The following FBXO25 variants were observed in gnomAD, a reference collection of about 807,000 sequenced individuals.
The protein encoded by FBXO25 is F-box protein 25.
In FBXO25, 45 loss-of-function variants were observed where a neutral mutation model predicts 51.9. That is an observed-to-expected ratio of 0.87 (90% CI 0.68 to 1.11). The LOEUF is 1.11. FBXO25 is among the 50% of genes most tolerant of loss of function. The pLI is 0.00. For missense variants in FBXO25, 507 were observed against 428.5 expected (o/e 1.18, Z -1.62); for synonymous variants, 199 against 151.0 (o/e 1.32, Z -2.33).
intron 5 of FBXO25, among the ~76,000 whole-genome samples, chr8:437,631 G>A (rs1563078422): frequency 6.6e-6 from 1 of 152,210 alleles, no homozygotes; most frequent in Non-Finnish European, 1.5e-5. Flanking sequence ...TAAAGCCTGA[G>A]CCTGTGTCTT....
chr8:438,449 C>G (rs1053539925), intron 5 of FBXO25, among the ~76,000 whole-genome samples: 6 of 152,320 alleles, frequency 3.9e-5, no homozygotes, highest in East Asian at 1.9e-4. Flanking sequence ...ACTACACAGT[C>G]TTAGGATAAA....
intron 5 of FBXO25, among the ~76,000 whole-genome samples, chr8:437,259 C>T (rs1378871541): frequency 1.3e-5 from 2 of 152,216 alleles, no homozygotes; most frequent in South Asian, 4.1e-4. Flanking sequence ...GCTGTGCACT[C>T]ATGTACCAAC....
At chr8:415,194 A>T (rs1376163289) in intron 2 of FBXO25, among the ~76,000 whole-genome samples, 1 of 152,182 alleles carries the variant, frequency 6.6e-6, no homozygotes, top group Non-Finnish European at 1.5e-5. Context: ...ACTATAGTAA[A>T]AATAATTTAG....
At chr8:464,432 G>A (rs76931414) in intron 9 of FBXO25, among the ~76,000 whole-genome samples, 8,897 of 152,252 alleles carry the variant, frequency 0.058, 323 homozygotes, top group South Asian at 0.1. Flanking sequence ...GCTGCTCTGC[G>A]GAGGGAGTCC....
chr8:434,333 G>C (rs1475160623), intron 4 of FBXO25, among the ~76,000 whole-genome samples: 1 of 152,198 alleles, frequency 6.6e-6, no homozygotes, highest in Non-Finnish European at 1.5e-5. Flanking sequence ...GATGGGTGGT[G>C]ACCTTGGAAA....
At chr8:410,064 A>T (rs1796395869) in intron 1 of FBXO25, among the ~76,000 whole-genome samples, 1 of 152,246 alleles carries the variant, frequency 6.6e-6, no homozygotes, top group African/African-American at 2.4e-5. Context: ...TTCATTTAAG[A>T]TCTAACCATG....
At chr8:415,969 T>C (rs1222522720) in intron 2 of FBXO25, among the ~76,000 whole-genome samples, 1 of 152,236 alleles carries the variant, frequency 6.6e-6, no homozygotes, top group Non-Finnish European at 1.5e-5. Flanking sequence ...AGTTGTTCCT[T>C]GTCTTTTATG....
chr8:442,657 A>C (rs990633988), intron 5 of FBXO25, among the ~76,000 whole-genome samples: 15 of 151,900 alleles, frequency 9.9e-5, no homozygotes, highest in African/African-American at 3.6e-4. Flanking sequence ...TTTAGTAGAG[A>C]GGGGGTTTTG....
chr8:428,311 G>A (rs1249323687), intron 2 of FBXO25, among the ~76,000 whole-genome samples: 1 of 152,102 alleles, frequency 6.6e-6, no homozygotes, highest in East Asian at 1.9e-4. Context: ...AGGGCTGTTA[G>A]CTCCATCATT....
intron 8 of FBXO25, among the ~76,000 whole-genome samples, chr8:462,069 G>C (rs1273380439): frequency 6.6e-6 from 1 of 152,058 alleles, no homozygotes; most frequent in Non-Finnish European, 1.5e-5. Flanking sequence ...TTGAGGAATT[G>C]CCAGACTGTT....
At position 472,250 on chromosome 8, in the gene FBXO25, T is replaced by A. The variant is rs1318889919; in HGVS notation, c.*3446T>A. On this transcript the variant is annotated 3_prime_UTR_variant, in exon 10 of 10. Transcript: ENST00000350302. ...TGGGGAGGTTCCCTTCTATTCCTAG[T>A]TTGTTTTTATCGTGAAAGGGTGTGG... 1.3e-5 allele frequency: 2 copies of A among 152,196 alleles called. No homozygotes were observed. The highest frequency in any genetic ancestry group is 2.9e-5 in the Non-Finnish European group (2 of 68,028). 9.4% of individuals were successfully genotyped at this position (152,196 alleles called of 1,614,324 possible).
intron 2 of FBXO25, among the ~76,000 whole-genome samples, chr8:425,131 C>G (rs1456817681): frequency 6.6e-6 from 1 of 151,968 alleles, no homozygotes; most frequent in East Asian, 1.9e-4. Flanking sequence ...GAAGCGCCCC[C>G]CGCCCCCCAC....
intron 2 of FBXO25, among the ~76,000 whole-genome samples, 172 bp downstream of exon 2, chr8:413,385 T>C (rs1796603693): frequency 6.6e-6 from 1 of 152,134 alleles, no homozygotes; most frequent in Non-Finnish European, 1.5e-5. Context: ...TTGCCTAATA[T>C]TCATACACAG....
intron 8 of FBXO25, 49 bp from the exon 9 acceptor site, chr8:462,958 T>C: frequency 6.4e-7 from 1 of 1,567,662 alleles, no homozygotes; most frequent in South Asian, 1.2e-5. Flanking sequence ...TAATATTATG[T>C]TTTGAAAGTC....
At chr8:454,001 G>A (rs934557638) in intron 7 of FBXO25, among the ~76,000 whole-genome samples, 1 of 152,250 alleles carries the variant, frequency 6.6e-6, no homozygotes, top group African/African-American at 2.4e-5. Context: ...GCAGGTACCT[G>A]TAGTCACAGC....
chr8:431,218 A>C, intron 2 of FBXO25, 123 bp from the exon 3 acceptor site: 1 of 567,148 alleles, frequency 1.8e-6, no homozygotes, highest in Non-Finnish European at 3.1e-6. Context: ...TGTATTAGAC[A>C]TTACCCTTGT....
intron 2 of FBXO25, among the ~76,000 whole-genome samples, chr8:416,727 A>G (rs1263356009): frequency 6.6e-6 from 1 of 152,214 alleles, no homozygotes; most frequent in East Asian, 1.9e-4. Flanking sequence ...ATTATTACAC[A>G]TACTGTTACA....
At chr8:459,020 C>G (rs1051650717) in intron 8 of FBXO25, among the ~76,000 whole-genome samples, 1 of 152,146 alleles carries the variant, frequency 6.6e-6, no homozygotes, top group Non-Finnish European at 1.5e-5. Context: ...TGGGAGTGCA[C>G]GTGGGGCAGC....
chr8:413,504 A>G (rs1391295997), intron 2 of FBXO25, among the ~76,000 whole-genome samples: 1 of 152,200 alleles, frequency 6.6e-6, no homozygotes, highest in Non-Finnish European at 1.5e-5. Context: ...GAGGAAATTG[A>G]AATGCACAGT....
Sources: allele counts gnomAD v4.1 joint callset (sites outside exome capture counted in the v4.1 genomes callset), GRCh38; gene constraint gnomAD v4.1.1; transcripts MANE v1.5; gene names NCBI Gene and HGNC (gene_info 2026-07-23, HGNC 2026-07-21).